PTPRU: variants seen among roughly 807,000 people sequenced by gnomAD.
The protein encoded by PTPRU is receptor-type tyrosine-protein phosphatase U.
In PTPRU, 69 loss-of-function variants were observed where a neutral mutation model predicts 166.3. The ratio of observed to expected loss-of-function variants is 0.41; its 90% confidence interval spans 0.34 to 0.51. PTPRU has a LOEUF of 0.51. Ranked by LOEUF, PTPRU falls within the 20% of genes least tolerant of loss-of-function variation. The probability of loss-of-function intolerance (pLI) is 0.09; values close to 1 mark genes in which losing one functional copy is unlikely to be tolerated. For synonymous variants in PTPRU, 793 were observed against 814.0 expected, an observed-to-expected ratio of 0.97 and a Z score of 0.44; for missense variants, 1,657 against 2,013.7, an observed-to-expected ratio of 0.82 and a Z score of 3.39.
chr1:29,305,291 C>T (rs1687335272), intron 17 of PTPRU, 61 bp from the exon 18 acceptor site: 3 of 1,534,142 alleles, frequency 2.0e-6, no homozygotes, highest in Non-Finnish European at 2.7e-6. Flanking sequence ...GGAATCCCTC[C>T]CTGACTGCCT....
intron 17 of PTPRU, among the ~76,000 whole-genome samples, chr1:29,305,102 T>C (rs138018262): frequency 2.0e-5 from 3 of 152,328 alleles, no homozygotes; most frequent in Middle Eastern, 3.4e-3. Flanking sequence ...AGATTCCTGC[T>C]TAAGGTCTCA....
chr1:29,278,887 G>A, intron 8 of PTPRU, 125 bp from the exon 9 acceptor site: 1 of 678,120 alleles, frequency 1.5e-6, no homozygotes. Context: ...GCTGAGTTAA[G>A]TAAGGTGCAG....
intron 7 of PTPRU, among the ~76,000 whole-genome samples, chr1:29,266,411 C>T (rs1166166924): frequency 3.3e-5 from 5 of 152,214 alleles, no homozygotes; most frequent in African/African-American, 9.6e-5. Flanking sequence ...AATCAATATT[C>T]GTAAGTGTTT....
rs531953310 is a variant in PTPRU at position 29,271,191 on chromosome 1, C to G, written c.1145-4257C>G. On this transcript the variant is annotated intron_variant, in intron 7 of 29. Transcript: ENST00000373779. The surrounding 1 kb of genome is among the most constrained non-coding windows in gnomAD (Gnocchi z 4.4). ...ATTTTGACCTCTGATCTCGGAGTGA[C>G]CTGTAGCCCTGTGTAATTTAGAGGG... Among the ~76,000 whole-genome samples, 15 of 152,288 alleles carry G rather than the reference C, an allele frequency of 9.8e-5. No homozygotes were observed. The highest frequency in any genetic ancestry group is 3.6e-4 in the African/African-American group (15 of 41,550).
chr1:29,240,604 G>C (rs1040912838), intron 1 of PTPRU, among the ~76,000 whole-genome samples: 1 of 152,124 alleles, frequency 6.6e-6, no homozygotes, highest in African/African-American at 2.4e-5. Context: ...TTTGAGTTGG[G>C]GAGGTTGAGT....
At position 29,288,391 on chromosome 1, in the gene PTPRU, G is replaced by A. The variant is rs569946816; in HGVS notation, c.2319-3478G>A. On this transcript the variant is annotated intron_variant, in intron 14 of 29. Coordinates refer to ENST00000373779, the MANE Select transcript of PTPRU (RefSeq NM_133178.4). ...AAGAACAGGGTGCTGGGTGTTGGGGGCAAAGAGAATACAAGAGACATCATG... is the reference window on the plus strand; with the variant it reads ...AAGAACAGGGTGCTGGGTGTTGGGGACAAAGAGAATACAAGAGACATCATG... 4.6e-5 allele frequency among the ~76,000 whole-genome samples: 7 copies of A among 152,282 alleles called. No homozygotes were observed. In the South Asian group the frequency reaches 8.3e-4, roughly 18 times the overall value.
chr1:29,295,145 C>A (rs1021105170), intron 15 of PTPRU, among the ~76,000 whole-genome samples: 1 of 152,108 alleles, frequency 6.6e-6, no homozygotes, highest in Admixed American at 6.5e-5. Flanking sequence ...CAAGCGATCT[C>A]CCACCTCAGC....
chr1:29,254,187 A>G (rs956136173), intron 1 of PTPRU, among the ~76,000 whole-genome samples: 5 of 152,086 alleles, frequency 3.3e-5, no homozygotes, highest in Non-Finnish European at 7.4e-5. Flanking sequence ...TTGCTTGGGC[A>G]TTTTCCTGGG....
At chr1:29,253,250 C>G (rs1044144838) in intron 1 of PTPRU, among the ~76,000 whole-genome samples, 3 of 152,162 alleles carry the variant, frequency 2.0e-5, no homozygotes, top group African/African-American at 7.2e-5. Context: ...CGAACCCTGT[C>G]CTTTTGGGTA....
intron 14 of PTPRU, among the ~76,000 whole-genome samples, chr1:29,286,177 G>A (rs1123774): frequency 1.3e-5 from 2 of 152,194 alleles, no homozygotes; most frequent in Non-Finnish European, 2.9e-5. Flanking sequence ...TGGAGGAGAT[G>A]GGGGGGATGG....
At chr1:29,318,186 G>C (rs76321435) in intron 25 of PTPRU, among the ~76,000 whole-genome samples, 9,032 of 152,260 alleles carry the variant, frequency 0.059, 563 homozygotes, top group East Asian at 0.17. Context: ...CAGAGCCTGG[G>C]GTAGGATGAG....
chr1:29,268,271 A>G (rs932022007), intron 7 of PTPRU, among the ~76,000 whole-genome samples: 7 of 152,190 alleles, frequency 4.6e-5, no homozygotes, highest in African/African-American at 1.4e-4. Context: ...GATGGTATAG[A>G]TGGCATTTAA....
intron 26 of PTPRU, 83 bp from the exon 27 acceptor site, chr1:29,323,288 T>A: frequency 6.6e-7 from 1 of 1,520,320 alleles, no homozygotes. Context: ...AGGGCAAGTG[T>A]GGAGCCCTTG....
At chr1:29,314,577 TA>T (rs1687812291) in intron 22 of PTPRU, among the ~76,000 whole-genome samples, 2 of 113,790 alleles carry the variant, frequency 1.8e-5, no homozygotes, top group African/African-American at 1.0e-4. Context: ...TTTATTGAAT[TA>T]ATTAATTTTT....
rs11556357 is a variant in PTPRU, at chr1:29,325,293, C to A, written c.4215C>A (p.Leu1405=). The change falls in exon 29 of 30, where the codon CTC becomes CTA. Residue 1405 remains leucine, a synonymous_variant. Coordinates refer to ENST00000373779, the MANE Select transcript of PTPRU (RefSeq NM_133178.4). ...LVDVFFAAKT[L]RNYKPNMVET... ...ACGTTTTCTTTGCTGCCAAAACCCTCCGGAACTACAAACCCAACATGGTGG... is the reference window on the plus strand; with the variant it reads ...ACGTTTTCTTTGCTGCCAAAACCCTACGGAACTACAAACCCAACATGGTGG... The A allele has an allele frequency of 1.2e-6, 2 of 1,614,212 alleles. No homozygotes were observed. The highest frequency in any genetic ancestry group is 1.7e-6 in the Non-Finnish European group (2 of 1,180,016).
intron 7 of PTPRU, among the ~76,000 whole-genome samples, chr1:29,263,874 A>G (rs1372500626): frequency 2.0e-5 from 3 of 152,102 alleles, no homozygotes; most frequent in Non-Finnish European, 4.4e-5. Context: ...TTGTAAGATT[A>G]TTTATATATT....
chr1:29,269,174 G>T (rs1685428019), intron 7 of PTPRU, among the ~76,000 whole-genome samples: 1 of 141,426 alleles, frequency 7.1e-6, no homozygotes, highest in African/African-American at 2.7e-5. Context: ...CTCCTAAGCA[G>T]CTGGGGCTAC....
rs1252897333 is a variant in PTPRU, at chr1:29,280,465, AT to A, written c.1868+325del. ...AGTGAAACTCTGGGGGCCTTATATC[AT>A]CCCAGCCTTTTCCTGGAAGCACAGA... On this transcript the variant is annotated intron_variant, in intron 11 of 29. Transcript: ENST00000373779. This position sits in a 1 kb window ranked among gnomAD's most constrained non-coding sequence, Gnocchi z 4.2. Among the ~76,000 whole-genome samples the A allele has an allele frequency of 1.3e-5, 2 of 152,154 alleles. No homozygotes were observed. The highest frequency in any genetic ancestry group is 4.8e-5 in the African/African-American group (2 of 41,440).
chr1:29,265,044 C>T (rs1557427282), intron 7 of PTPRU, among the ~76,000 whole-genome samples: 1 of 152,186 alleles, frequency 6.6e-6, no homozygotes, highest in Non-Finnish European at 1.5e-5. Context: ...TTCATTATTA[C>T]AAGTAAAGCT....
Sources: gnomAD v4.1 joint callset for allele counts (sites outside exome capture counted in the v4.1 genomes callset) on GRCh38, gnomAD v4.1.1 for gene constraint, Gnocchi (gnomAD v3.1) non-coding constraint, MANE v1.5 for transcripts, NCBI Gene and HGNC (gene_info 2026-07-23, HGNC 2026-07-21) for gene names.